KCNU1: variants seen among roughly 807,000 people sequenced by gnomAD.
KCNU1 encodes the protein potassium calcium-activated channel subfamily U member 1.
In KCNU1, 93 loss-of-function variants were observed where a neutral mutation model predicts 126.8. The ratio of observed to expected loss-of-function variants is 0.73; its 90% CI spans 0.62 to 0.87. The LOEUF is 0.87. Among genes scored for constraint, KCNU1 ranks in the 40% least tolerant of loss-of-function variants. The probability of loss-of-function intolerance (pLI) is 0.00; values close to 1 mark genes in which losing one functional copy is unlikely to be tolerated. For missense variants in KCNU1, 1,330 were observed against 1,367.1 expected (o/e 0.97, Z 0.43); for synonymous variants, 523 against 494.2 (o/e 1.06, Z -0.77).
intron 22 of KCNU1, among the ~76,000 whole-genome samples, chr8:36,913,760 C>T (rs1807983756): frequency 6.6e-6 from 1 of 152,030 alleles, no homozygotes; most frequent in Non-Finnish European, 1.5e-5. Flanking sequence ...CGCCACCATG[C>T]CTGGCTAATT....
At chr8:36,892,444 C>T (rs1807001755) in intron 19 of KCNU1, among the ~76,000 whole-genome samples, 1 of 151,782 alleles carries the variant, frequency 6.6e-6, no homozygotes, top group South Asian at 2.1e-4. Context: ...AAAATCTTTG[C>T]CTAGAAAGTC....
intron 9 of KCNU1, among the ~76,000 whole-genome samples, chr8:36,816,133 C>G (rs1563272870): frequency 6.6e-6 from 1 of 152,078 alleles, no homozygotes; most frequent in Non-Finnish European, 1.5e-5. Context: ...GCCAAAGCTC[C>G]CCTAAACCAT....
At chr8:36,914,994 C>T (rs1016488295) in intron 22 of KCNU1, among the ~76,000 whole-genome samples, 3 of 152,100 alleles carry the variant, frequency 2.0e-5, no homozygotes, top group East Asian at 1.9e-4. Flanking sequence ...AACCATTGCT[C>T]GAAAAGGAGA....
Position 36,858,963 on chromosome 8 carries a change from A to G in KCNU1, c.1892-5441A>G, listed in dbSNP as rs1169583275. On this transcript the variant is annotated intron_variant, in intron 18 of 26. Transcript: ENST00000399881. ...CCTATACTGATCCCCAATCACCAGT[A>G]TTACCAAGTCTATTCCACTCCAGCT... is the stretch of plus-strand genomic sequence containing the variant. Among the ~76,000 whole-genome samples the G allele has an allele frequency of 2.6e-5, 4 of 152,220 alleles. No homozygotes were observed. In the East Asian group the frequency reaches 7.7e-4, roughly 29 times the overall value.
At chr8:36,841,044 T>TG (rs1309536581) in intron 16 of KCNU1, 41 bp downstream of exon 16, 2 of 1,287,556 alleles carry the variant, frequency 1.6e-6, no homozygotes, top group Non-Finnish European at 2.2e-6. Context: ...GTTTTTTTTT[T>TG]TTTTTTTTTT....
chr8:36,799,464 G>A (rs1039500625), intron 2 of KCNU1, among the ~76,000 whole-genome samples: 2 of 150,520 alleles, frequency 1.3e-5, no homozygotes, highest in African/African-American at 4.9e-5. Context: ...TGGGAGGGGG[G>A]GCAGGGTAGA....
intron 2 of KCNU1, among the ~76,000 whole-genome samples, chr8:36,792,112 G>T (rs531519620): frequency 1.3e-5 from 2 of 152,062 alleles, no homozygotes; most frequent in Admixed American, 1.3e-4. Context: ...ATATTTTCAT[G>T]CACATGATAC....
chr8:36,838,639 G>A (rs1029400492), intron 14 of KCNU1, among the ~76,000 whole-genome samples: 1 of 152,136 alleles, frequency 6.6e-6, no homozygotes, highest in Admixed American at 6.5e-5. Context: ...GGGGGTTGCA[G>A]TGAGCTGAGA....
intron 10 of KCNU1, among the ~76,000 whole-genome samples, chr8:36,820,750 A>G (rs1804093214): frequency 6.6e-6 from 1 of 152,198 alleles, no homozygotes; most frequent in Non-Finnish European, 1.5e-5. Context: ...TTTAGGGTGC[A>G]ATCTATAACA....
chr8:36,801,920 C>T (rs987927437), intron 2 of KCNU1, among the ~76,000 whole-genome samples: 2 of 151,796 alleles, frequency 1.3e-5, no homozygotes, highest in African/African-American at 4.8e-5. Context: ...ACCAGGCTGT[C>T]CAACATTGTG....
chr8:36,828,381 C>A (rs1804402217), intron 10 of KCNU1, among the ~76,000 whole-genome samples: 1 of 152,076 alleles, frequency 6.6e-6, no homozygotes, highest in South Asian at 2.1e-4. Flanking sequence ...TAATCCTCCC[C>A]ATATTTCAAC....
At chr8:36,835,635 T>A (rs913763928) in intron 12 of KCNU1, among the ~76,000 whole-genome samples, 6 of 152,200 alleles carry the variant, frequency 3.9e-5, no homozygotes, top group African/African-American at 1.4e-4. Context: ...CCACTGCGCC[T>A]GGCCTGACCA....
chr8:36,898,587 A>T (rs1247490971), intron 19 of KCNU1, among the ~76,000 whole-genome samples: 3 of 152,148 alleles, frequency 2.0e-5, no homozygotes, highest in African/African-American at 7.2e-5. Flanking sequence ...AGAAAAAAAA[A>T]ATAGTCTTGT....
rs750139699 is a variant in KCNU1, at chr8:36,935,567, G to C, written c.3097G>C (p.Val1033Leu). The change falls in exon 27 of 27, where the codon GTG becomes CTG. Residue 1033 changes from valine to leucine, a missense_variant. Transcript: ENST00000399881. ...GTTCAAGCTGCTGCCTTCAGATCTT[G>C]TGTTTTGTGCCATACCCTTCAGCAC... The part of the protein sequence containing the change: ...NEFKLLPSDL[V>L]FCAIPFSTAC... The C allele has an allele frequency of 1.7e-5, 28 of 1,612,530 alleles. No homozygotes were observed. Among genetic ancestry groups the C allele is most frequent in the Non-Finnish European group, 2.0e-5 (23 of 1,179,110 alleles).
intron 19 of KCNU1, among the ~76,000 whole-genome samples, chr8:36,879,757 A>T (rs111566162): frequency 7.9e-5 from 12 of 152,304 alleles, no homozygotes; most frequent in African/African-American, 2.9e-4. Flanking sequence ...TTACCTGGCA[A>T]CTGTAATAGT....
intron 24 of KCNU1, chr8:36,928,901 T>C (rs866007970): frequency 3.2e-6 from 2 of 631,414 alleles, no homozygotes; most frequent in Admixed American, 5.0e-5. Context: ...TATATTCTGA[T>C]CCAGGAGATC....
At chr8:36,907,902 A>C (rs994068583) in intron 20 of KCNU1, among the ~76,000 whole-genome samples, 2 of 152,350 alleles carry the variant, frequency 1.3e-5, no homozygotes, top group South Asian at 4.1e-4. Context: ...GATTTGATTG[A>C]TAGTTATTGA....
chr8:36,885,670 G>A (rs1585510825), intron 19 of KCNU1, among the ~76,000 whole-genome samples: 1 of 151,670 alleles, frequency 6.6e-6, no homozygotes, highest in Non-Finnish European at 1.5e-5. Flanking sequence ...GTGGGCGCTT[G>A]TAATCCCAGC....
chr8:36,811,439 G>C (rs1340011064), intron 7 of KCNU1, among the ~76,000 whole-genome samples: 1 of 152,122 alleles, frequency 6.6e-6, no homozygotes, highest in Non-Finnish European at 1.5e-5. Flanking sequence ...GACAACATTG[G>C]TCAATACCAG....
Sources: allele counts gnomAD v4.1 joint callset (sites outside exome capture counted in the v4.1 genomes callset), GRCh38; gene constraint gnomAD v4.1.1; transcripts MANE v1.5; gene names NCBI Gene and HGNC (gene_info 2026-07-23, HGNC 2026-07-21).